Variants in TENM1 observed in about 807,000 individuals in gnomAD.
TENM1 encodes teneurin transmembrane protein 1.
A neutral mutation model predicts 174.8 loss-of-function variants in TENM1; 35 were observed. The observed-to-expected ratio is 0.20, with a 90% CI of 0.15 to 0.27. TENM1 has a LOEUF of 0.27. TENM1 is among the 10% of genes least tolerant of loss of function. TENM1 has a pLI of 1.00. For synonymous variants in TENM1, 781 were observed against 798.7 expected, an observed-to-expected ratio of 0.98 and a Z score of 0.37; for missense variants, 1,633 against 2,130.1, an observed-to-expected ratio of 0.77 and a Z score of 4.59.
At chrX:124,437,865 T>C (rs1055263071) in intron 23 of TENM1, among the ~76,000 whole-genome samples, 3 of 112,018 alleles carry the variant, frequency 2.7e-5, no homozygotes, top group African/African-American at 9.7e-5. Context: ...TAACATTTTA[T>C]ATGTCCCCAT....
At chrX:124,715,410 A>C (rs2148511265) in intron 4 of TENM1, among the ~76,000 whole-genome samples, 1 of 110,480 alleles carries the variant, frequency 9.1e-6, no homozygotes, top group Non-Finnish European at 1.9e-5. Context: ...AAAACTCTTC[A>C]TTTTGTAAAG....
At chrX:124,417,950 G>C (rs2060612407) in intron 25 of TENM1, among the ~76,000 whole-genome samples, 1 of 111,839 alleles carries the variant, frequency 8.9e-6, no homozygotes, top group African/African-American at 3.3e-5. Context: ...CAGAATTTTA[G>C]CACCTCTTAC....
At chrX:124,610,286 A>T in intron 11 of TENM1, among the ~76,000 whole-genome samples, 1 of 112,436 alleles carries the variant, frequency 8.9e-6, no homozygotes, top group South Asian at 3.7e-4. Flanking sequence ...GTGCAATAAT[A>T]GGAAGTAATT....
intron 3 of TENM1, among the ~76,000 whole-genome samples, chrX:124,892,433 A>G (rs971169583): frequency 8.9e-6 from 1 of 111,947 alleles, no homozygotes; most frequent in African/African-American, 3.2e-5. Flanking sequence ...AAGGGCAACC[A>G]AACAGAGTTA....
At chrX:124,589,882 T>A (rs903570210) in intron 11 of TENM1, among the ~76,000 whole-genome samples, 5 of 111,787 alleles carry the variant, frequency 4.5e-5, no homozygotes, top group African/African-American at 1.6e-4. Flanking sequence ...GTTTTGTTAA[T>A]TCTTTGCTTG....
intron 1 of TENM1, among the ~76,000 whole-genome samples, chrX:124,961,590 G>A (rs2058654661): frequency 9.0e-6 from 1 of 111,396 alleles, no homozygotes; most frequent in African/African-American, 3.3e-5. Context: ...GTTGCAGTGA[G>A]CCAAGATCAT....
chrX:124,426,026 G>C (rs1024546299), intron 23 of TENM1, among the ~76,000 whole-genome samples: 83 of 108,811 alleles, frequency 7.6e-4, no homozygotes, highest in Non-Finnish European at 1.5e-3. Flanking sequence ...GTGTGTGTGT[G>C]TGTGTGTGTG....
intron 4 of TENM1, among the ~76,000 whole-genome samples, chrX:124,712,399 T>G (rs917952757): frequency 2.5e-4 from 28 of 111,676 alleles, no homozygotes; most frequent in African/African-American, 8.5e-4. Context: ...TTCTCATGGG[T>G]GTGAGGTGAT....
At chrX:125,051,162 G>A in the TENM1 span, among the ~76,000 whole-genome samples, 3 of 111,316 alleles carry the variant, frequency 2.7e-5, no homozygotes, top group African/African-American at 9.8e-5. Context: ...CCTCTTCAAG[G>A]AGAACTACAA....
At chrX:124,443,074 G>GTGTGTGTGTGTGTA (rs2060926091) in intron 23 of TENM1, among the ~76,000 whole-genome samples, 1 of 96,979 alleles carries the variant, frequency 1.0e-5, no homozygotes, top group African/African-American at 4.1e-5. Context: ...GTGTGTGTGT[G>GTGTGTGTGTGTGTA]TGTGTGTGTG....
At chrX:124,579,818 T>C (rs1045627134) in intron 11 of TENM1, among the ~76,000 whole-genome samples, 2 of 112,060 alleles carry the variant, frequency 1.8e-5, no homozygotes, top group Non-Finnish European at 3.8e-5. Flanking sequence ...GAGCTTTATA[T>C]ACTTTGATTA....
At chrX:124,809,067 C>A (rs767014011) in intron 3 of TENM1, among the ~76,000 whole-genome samples, 3 of 110,349 alleles carry the variant, frequency 2.7e-5, no homozygotes, top group South Asian at 3.8e-4. Flanking sequence ...AATCAACGAA[C>A]CTTTAGCTAG....
intron 11 of TENM1, among the ~76,000 whole-genome samples, chrX:124,612,181 T>C (rs1159898277): frequency 9.0e-6 from 1 of 111,320 alleles, no homozygotes; most frequent in African/African-American, 3.3e-5. Flanking sequence ...AGAATAAATA[T>C]GGTTAGAACA....
chrX:124,518,386 CGT>C (rs909935569), intron 18 of TENM1, among the ~76,000 whole-genome samples: 1 of 81,287 alleles, frequency 1.2e-5, no homozygotes, highest in Admixed American at 1.7e-4. Context: ...AGAGATTATG[CGT>C]GTGTGTGTGT....
At chrX:124,924,974 G>A (rs1249536021) in intron 1 of TENM1, among the ~76,000 whole-genome samples, 3 of 109,998 alleles carry the variant, frequency 2.7e-5, no homozygotes, top group Non-Finnish European at 5.7e-5. Flanking sequence ...GCAACCACAA[G>A]AACAGATAAT....
At chrX:125,045,038 G>A in the TENM1 span, among the ~76,000 whole-genome samples, 1 of 111,352 alleles carries the variant, frequency 9.0e-6, no homozygotes, top group Admixed American at 9.5e-5. Flanking sequence ...TGGCTTGAGA[G>A]GCCTCACGAG....
chrX:124,681,845 A>C (rs1325017258), intron 5 of TENM1, among the ~76,000 whole-genome samples: 1 of 111,909 alleles, frequency 8.9e-6, no homozygotes, highest in African/African-American at 3.2e-5. Flanking sequence ...CACATACTAA[A>C]TGCCCAATAA....
intron 3 of TENM1, among the ~76,000 whole-genome samples, chrX:124,748,622 G>C (rs2053991489): frequency 9.0e-6 from 1 of 111,570 alleles, no homozygotes; most frequent in Admixed American, 9.6e-5. Context: ...ATCAAGTGTA[G>C]AGTACTTTCT....
the TENM1 span, among the ~76,000 whole-genome samples, chrX:125,079,917 G>A: frequency 9.0e-6 from 1 of 111,322 alleles, no homozygotes; most frequent in Admixed American, 9.6e-5. Context: ...CTCTCTTTAT[G>A]CTGCATATAA....
Sources: allele counts gnomAD v4.1 joint callset (sites outside exome capture counted in the v4.1 genomes callset), GRCh38; gene constraint gnomAD v4.1.1; transcripts MANE v1.5; gene names NCBI Gene and HGNC (gene_info 2026-07-23, HGNC 2026-07-21).